Variants in ZNF385B observed in about 807,000 individuals in gnomAD.
ZNF385B encodes the protein zinc finger protein 385B.
In ZNF385B, 23 loss-of-function variants were observed where a neutral mutation model predicts 39.2. That is an observed-to-expected ratio of 0.59 (90% CI 0.42 to 0.83). The LOEUF (loss-of-function observed/expected upper bound fraction) is 0.83. Among genes scored for constraint, ZNF385B ranks in the 40% least tolerant of loss-of-function variants. The pLI is 0.00. For synonymous variants in ZNF385B, 205 were observed against 222.6 expected, an observed-to-expected ratio of 0.92 and a Z score of 0.70; for missense variants, 552 against 598.9, an observed-to-expected ratio of 0.92 and a Z score of 0.82.
At chr2:179,824,667 GTTTT>G (rs1301520229) in intron 1 of ZNF385B, among the ~76,000 whole-genome samples, 1 of 151,894 alleles carries the variant, frequency 6.6e-6, no homozygotes, top group Non-Finnish European at 1.5e-5. Context: ...GTTTAATTTT[GTTTT>G]TGTTTTTTTC....
chr2:179,772,888 ACT>A, intron 1 of ZNF385B, among the ~76,000 whole-genome samples: 1 of 151,976 alleles, frequency 6.6e-6, no homozygotes. Flanking sequence ...TGAACCAAAA[ACT>A]CTATGCTTTT....
chr2:179,848,823 C>G (rs536825281), intron 1 of ZNF385B, among the ~76,000 whole-genome samples: 11 of 152,274 alleles, frequency 7.2e-5, no homozygotes, highest in Admixed American at 2.6e-4. Context: ...AGAGCAAACC[C>G]ATGCCAAGGA....
At chr2:179,624,355 T>A (rs936151931) in intron 3 of ZNF385B, among the ~76,000 whole-genome samples, 2 of 152,164 alleles carry the variant, frequency 1.3e-5, no homozygotes, top group Non-Finnish European at 2.9e-5. Context: ...CTATGAACTT[T>A]CAAGGTGTAG....
At chr2:179,720,815 C>A (rs2106405151) in intron 3 of ZNF385B, among the ~76,000 whole-genome samples, 1 of 151,834 alleles carries the variant, frequency 6.6e-6, no homozygotes, top group East Asian at 1.9e-4. Context: ...GGCTGGAATG[C>A]AGTGATGTAA....
chr2:179,459,617 ATGTG>A (rs375369887), intron 6 of ZNF385B, among the ~76,000 whole-genome samples: 9 of 123,228 alleles, frequency 7.3e-5, no homozygotes, highest in African/African-American at 2.8e-4. Context: ...GTGTGTGTGT[ATGTG>A]TGTGTGGATT....
At chr2:179,732,757 C>A (rs1410226130) in intron 3 of ZNF385B, among the ~76,000 whole-genome samples, 1 of 152,112 alleles carries the variant, frequency 6.6e-6, no homozygotes, top group Non-Finnish European at 1.5e-5. Flanking sequence ...GGTAAGATCA[C>A]CCAGTGTTAT....
intron 3 of ZNF385B, among the ~76,000 whole-genome samples, chr2:179,725,104 CTT>C (rs1700922271): frequency 1.3e-5 from 2 of 151,974 alleles, no homozygotes; most frequent in African/African-American, 4.8e-5. Flanking sequence ...AGTAATTAAA[CTT>C]ATATAATGTA....
At chr2:179,469,002 A>G (rs1231947218) in intron 6 of ZNF385B, among the ~76,000 whole-genome samples, 1 of 152,258 alleles carries the variant, frequency 6.6e-6, no homozygotes, top group Non-Finnish European at 1.5e-5. Context: ...ATTTAAATTC[A>G]ATCTGCAGCC....
At chr2:179,657,909 G>C (rs1027077480) in intron 3 of ZNF385B, among the ~76,000 whole-genome samples, 5 of 152,128 alleles carry the variant, frequency 3.3e-5, no homozygotes, top group African/African-American at 1.2e-4. Context: ...GGAGGAGAAG[G>C]GTTTTGAACT....
intron 1 of ZNF385B, among the ~76,000 whole-genome samples, chr2:179,860,200 AAAG>A (rs1360581474): frequency 2.0e-5 from 3 of 152,210 alleles, no homozygotes; most frequent in Non-Finnish European, 2.9e-5. Flanking sequence ...TATGAAAATG[AAAG>A]AAGACGTTTC....
At chr2:179,857,353 T>C (rs1337628467) in intron 1 of ZNF385B, among the ~76,000 whole-genome samples, 7 of 152,124 alleles carry the variant, frequency 4.6e-5, no homozygotes, top group Non-Finnish European at 8.8e-5. Flanking sequence ...AAAGCACATA[T>C]ATATCAGGAA....
chr2:179,800,142 C>A (rs964911767), intron 1 of ZNF385B, among the ~76,000 whole-genome samples: 1 of 152,022 alleles, frequency 6.6e-6, no homozygotes, highest in Non-Finnish European at 1.5e-5. Context: ...GAAAATTCAT[C>A]TCCAAAGCTT....
chr2:179,740,790 A>G (rs1702043539), intron 3 of ZNF385B, among the ~76,000 whole-genome samples: 1 of 152,206 alleles, frequency 6.6e-6, no homozygotes, highest in Admixed American at 6.5e-5. Flanking sequence ...TTAAACTAGT[A>G]GAAGAAGTAA....
chr2:179,663,105 G>A (rs1694691505), intron 3 of ZNF385B, among the ~76,000 whole-genome samples: 1 of 152,148 alleles, frequency 6.6e-6, no homozygotes, highest in East Asian at 1.9e-4. Flanking sequence ...ATGAACTTCT[G>A]TAATATTGAC....
chr2:179,590,689 T>C (rs900309411), intron 3 of ZNF385B, among the ~76,000 whole-genome samples: 3 of 152,052 alleles, frequency 2.0e-5, no homozygotes, highest in African/African-American at 7.2e-5. Context: ...TGGGAGGTGA[T>C]TGGATCATGG....
At chr2:179,857,146 T>TA (rs931387559) in intron 1 of ZNF385B, among the ~76,000 whole-genome samples, 13 of 152,240 alleles carry the variant, frequency 8.5e-5, no homozygotes, top group African/African-American at 3.1e-4. Flanking sequence ...CTGGTTCTAC[T>TA]ATAAAAACCA....
At chr2:179,630,699 G>A (rs953859466) in intron 3 of ZNF385B, among the ~76,000 whole-genome samples, 2 of 152,228 alleles carry the variant, frequency 1.3e-5, no homozygotes, top group African/African-American at 4.8e-5. Flanking sequence ...GTAGGCTTCA[G>A]AAGGTCGGTC....
At chr2:179,625,262 A>C (rs1266079750) in intron 3 of ZNF385B, among the ~76,000 whole-genome samples, 1 of 152,094 alleles carries the variant, frequency 6.6e-6, no homozygotes, top group Non-Finnish European at 1.5e-5. Context: ...ACTGATATGC[A>C]GTCTTTATCA....
At chr2:179,656,804 A>G (rs1366103785) in intron 3 of ZNF385B, among the ~76,000 whole-genome samples, 1 of 152,180 alleles carries the variant, frequency 6.6e-6, no homozygotes, top group South Asian at 2.1e-4. Flanking sequence ...AAAAAGAATA[A>G]GTTTTTGCTC....
Sources: gnomAD v4.1 joint callset for allele counts (sites outside exome capture counted in the v4.1 genomes callset) on GRCh38, gnomAD v4.1.1 for gene constraint, MANE v1.5 for transcripts, NCBI Gene and HGNC (gene_info 2026-07-23, HGNC 2026-07-21) for gene names.